KCNH5: variants seen among roughly 807,000 people sequenced by gnomAD.
KCNH5 encodes potassium voltage-gated channel subfamily H member 5.
Under a neutral mutation model 96.1 loss-of-function variants are expected in KCNH5, and 46 were observed. That is an observed-to-expected ratio of 0.48 (90% CI 0.38 to 0.61). KCNH5 has a LOEUF of 0.61. KCNH5 is among the 20% of genes least tolerant of loss of function. KCNH5 has a pLI of 0.00. For synonymous variants in KCNH5, 439 were observed against 449.8 expected (o/e 0.98, Z 0.30); for missense variants, 907 against 1,225.8 (o/e 0.74, Z 3.88).
chr14:62,806,777 G>T (rs1886775434), intron 8 of KCNH5, among the ~76,000 whole-genome samples: 1 of 152,102 alleles, frequency 6.6e-6, no homozygotes, highest in Non-Finnish European at 1.5e-5. Flanking sequence ...GATTTAGGGG[G>T]TTAGAGGCCC....
intron 7 of KCNH5, among the ~76,000 whole-genome samples, chr14:62,891,490 C>A (rs879269151): frequency 2.6e-5 from 4 of 151,848 alleles, no homozygotes; most frequent in Non-Finnish European, 5.9e-5. Context: ...ATAATCGGTA[C>A]AACAAACCCC....
intron 3 of KCNH5, among the ~76,000 whole-genome samples, chr14:63,005,449 G>A (rs188293135): frequency 7.9e-5 from 12 of 152,284 alleles, no homozygotes; most frequent in East Asian, 1.9e-4. Context: ...TGGAACAGGC[G>A]TTTCCTGTTG....
intron 7 of KCNH5, among the ~76,000 whole-genome samples, chr14:62,885,790 T>C (rs758076521): frequency 1.1e-4 from 16 of 152,220 alleles, no homozygotes; most frequent in Non-Finnish European, 2.1e-4. Flanking sequence ...CATCCTTTTG[T>C]GTTTCAGAGT....
intron 1 of KCNH5, among the ~76,000 whole-genome samples, chr14:63,032,513 T>C (rs1847171437): frequency 6.6e-6 from 1 of 152,162 alleles, no homozygotes; most frequent in African/African-American, 2.4e-5. Context: ...CATGTAGCAA[T>C]CACTAACTTT....
intron 10 of KCNH5, among the ~76,000 whole-genome samples, chr14:62,737,483 T>A (rs1445392437): frequency 6.6e-6 from 1 of 152,192 alleles, no homozygotes; most frequent in African/African-American, 2.4e-5. Flanking sequence ...AGTCTGTTTA[T>A]TCGTCTGTTA....
At chr14:62,814,932 A>T in intron 8 of KCNH5, among the ~76,000 whole-genome samples, 1 of 152,146 alleles carries the variant, frequency 6.6e-6, no homozygotes, top group Admixed American at 6.6e-5. Flanking sequence ...ATATATATGC[A>T]AGAGAAATGT....
At chr14:62,844,024 G>A (rs114380225) in intron 8 of KCNH5, among the ~76,000 whole-genome samples, 2,179 of 151,926 alleles carry the variant, frequency 0.014, 48 homozygotes, top group African/African-American at 0.05. Context: ...TGATAGATTC[G>A]GTTAAAAGAT....
chr14:63,034,213 C>A (rs61995095), intron 1 of KCNH5, among the ~76,000 whole-genome samples: 16 of 152,150 alleles, frequency 1.1e-4, no homozygotes, highest in Non-Finnish European at 2.1e-4. Flanking sequence ...CCACGGCACC[C>A]AGCCTGTATT....
At chr14:62,997,899 CAAAAAAAA>C (rs568941043) in intron 4 of KCNH5, among the ~76,000 whole-genome samples, 2 of 60,828 alleles carry the variant, frequency 3.3e-5, no homozygotes, top group African/African-American at 1.2e-4. Flanking sequence ...GACTCCATCT[CAAAAAAAA>C]AAAAAAAAAA....
At chr14:63,011,253 C>T (rs544805004) in intron 2 of KCNH5, among the ~76,000 whole-genome samples, 34 of 152,184 alleles carry the variant, frequency 2.2e-4, no homozygotes, top group African/African-American at 7.5e-4. Flanking sequence ...GAGGCTGAGG[C>T]GGGCAGATCA....
chr14:62,824,965 T>C (rs1345969202), intron 8 of KCNH5, among the ~76,000 whole-genome samples: 1 of 152,102 alleles, frequency 6.6e-6, no homozygotes, highest in African/African-American at 2.4e-5. Flanking sequence ...GGCTGTATAG[T>C]TTCCCATGGT....
intron 6 of KCNH5, among the ~76,000 whole-genome samples, chr14:62,979,829 T>C (rs992669212): frequency 2.0e-5 from 3 of 152,224 alleles, no homozygotes; most frequent in Non-Finnish European, 2.9e-5. Context: ...ATATTTTAAG[T>C]ACTTCTAGGT....
chr14:62,800,570 T>C (rs896534700), intron 9 of KCNH5, among the ~76,000 whole-genome samples: 2 of 152,178 alleles, frequency 1.3e-5, no homozygotes, highest in African/African-American at 4.8e-5. Context: ...TAATTTATCA[T>C]GAGGGTTATC....
At chr14:62,929,760 G>A (rs1398375634) in intron 7 of KCNH5, among the ~76,000 whole-genome samples, 2 of 151,956 alleles carry the variant, frequency 1.3e-5, no homozygotes, top group Admixed American at 1.3e-4. Context: ...CCCAGGTAGT[G>A]AGCATAGTAT....
chr14:62,819,957 G>T (rs1432200512), intron 8 of KCNH5, among the ~76,000 whole-genome samples: 1 of 152,172 alleles, frequency 6.6e-6, no homozygotes, highest in Non-Finnish European at 1.5e-5. Flanking sequence ...TGAGCCATAA[G>T]TACTTCGTTT....
At chr14:62,934,522 T>C (rs1380731573) in intron 7 of KCNH5, among the ~76,000 whole-genome samples, 1 of 152,200 alleles carries the variant, frequency 6.6e-6, no homozygotes, top group African/African-American at 2.4e-5. Flanking sequence ...AGTGCATTTA[T>C]GCCAGGCCTC....
At chr14:63,039,683 T>C (rs1446112293) in intron 1 of KCNH5, among the ~76,000 whole-genome samples, 1 of 152,158 alleles carries the variant, frequency 6.6e-6, no homozygotes, top group African/African-American at 2.4e-5. Flanking sequence ...TAAATCCATC[T>C]CTTTACAGAA....
intron 9 of KCNH5, among the ~76,000 whole-genome samples, chr14:62,799,711 A>ATC: frequency 5.5e-5 from 6 of 109,718 alleles, no homozygotes; most frequent in Admixed American, 9.9e-5. Flanking sequence ...ATATATATAT[A>ATC]TATATATATA....
intron 6 of KCNH5, among the ~76,000 whole-genome samples, chr14:62,962,244 A>T (rs1890227250): frequency 6.6e-6 from 1 of 152,130 alleles, no homozygotes; most frequent in African/African-American, 2.4e-5. Context: ...CAGCCCTTTG[A>T]CCAGGACATC....
Sources: allele counts gnomAD v4.1 joint callset (sites outside exome capture counted in the v4.1 genomes callset), GRCh38; gene constraint gnomAD v4.1.1; transcripts MANE v1.5; gene names NCBI Gene and HGNC (gene_info 2026-07-23, HGNC 2026-07-21).